Variants in SMYD3 observed in about 807,000 individuals in gnomAD.
SMYD3 encodes histone-lysine N-methyltransferase SMYD3.
A neutral mutation model predicts 57.7 loss-of-function variants in SMYD3; 36 were observed. The observed-to-expected ratio is 0.62, with a 90% CI of 0.48 to 0.82. The LOEUF (loss-of-function observed/expected upper bound fraction) is 0.82. SMYD3 is among the 40% of genes least tolerant of loss of function. The pLI, the probability that SMYD3 is intolerant of heterozygous loss-of-function variation, is 0.00. For missense variants in SMYD3, 515 were observed against 538.8 expected (o/e 0.96, Z 0.44); for synonymous variants, 211 against 195.0 (o/e 1.08, Z -0.68).
intron 1 of SMYD3, among the ~76,000 whole-genome samples, chr1:246,398,316 C>G (rs902380292): frequency 4.6e-5 from 7 of 152,208 alleles, no homozygotes; most frequent in Non-Finnish European, 1.0e-4. Context: ...CAAGGTTAAA[C>G]GACACACTCA....
At chr1:245,857,501 C>T (rs1163947367) in intron 10 of SMYD3, among the ~76,000 whole-genome samples, 37 of 41,744 alleles carry the variant, frequency 8.9e-4, no homozygotes, top group Middle Eastern at 0.036. Flanking sequence ...CCATTCCCTG[C>T]CTGTTGTCCT....
chr1:246,430,752 T>C (rs1370944446), intron 1 of SMYD3, among the ~76,000 whole-genome samples: 1 of 152,158 alleles, frequency 6.6e-6, no homozygotes, highest in Non-Finnish European at 1.5e-5. Flanking sequence ...AGTTATGAAA[T>C]AAATGACATT....
intron 1 of SMYD3, among the ~76,000 whole-genome samples, chr1:246,444,603 C>T (rs1175402726): frequency 3.9e-5 from 6 of 152,240 alleles, no homozygotes; most frequent in Non-Finnish European, 8.8e-5. Flanking sequence ...CACTCTGCCA[C>T]AGGTGCTCTC....
intron 5 of SMYD3, among the ~76,000 whole-genome samples, chr1:246,232,742 C>T (rs2063434566): frequency 7.5e-6 from 1 of 133,870 alleles, no homozygotes; most frequent in African/African-American, 2.7e-5. Context: ...GAACATATTC[C>T]ACACAGAGGA....
chr1:246,154,805 G>A (rs2061997985), intron 5 of SMYD3, among the ~76,000 whole-genome samples: 1 of 144,682 alleles, frequency 6.9e-6, no homozygotes, highest in Non-Finnish European at 1.5e-5. Context: ...TTTTTGAGAT[G>A]GAGTCTCACT....
At chr1:245,927,781 G>T (rs2056473273) in intron 7 of SMYD3, 150 bp downstream of exon 7, 1 of 614,656 alleles carries the variant, frequency 1.6e-6, no homozygotes, top group Non-Finnish European at 3.0e-6. Context: ...ATAGGTTGCT[G>T]GGGAGAGGTG....
intron 5 of SMYD3, among the ~76,000 whole-genome samples, chr1:246,138,410 T>A (rs1408280820): frequency 2.6e-5 from 4 of 151,850 alleles, no homozygotes; most frequent in African/African-American, 9.7e-5. Context: ...TATAAACTAT[T>A]TTAAAAATTT....
At chr1:246,197,016 A>C (rs1035603190) in intron 5 of SMYD3, among the ~76,000 whole-genome samples, 1 of 152,190 alleles carries the variant, frequency 6.6e-6, no homozygotes, top group African/African-American at 2.4e-5. Flanking sequence ...CAACTCTGCA[A>C]TGATGAGGAT....
At chr1:246,217,153 G>T (rs1273682233) in intron 5 of SMYD3, among the ~76,000 whole-genome samples, 1 of 152,128 alleles carries the variant, frequency 6.6e-6, no homozygotes, top group African/African-American at 2.4e-5. Context: ...CTTTGTGGGA[G>T]AAGAAACCTC....
At chr1:246,380,133 A>C (rs2066364197) in intron 1 of SMYD3, among the ~76,000 whole-genome samples, 1 of 152,218 alleles carries the variant, frequency 6.6e-6, no homozygotes, top group Non-Finnish European at 1.5e-5. Context: ...ATAATACAGT[A>C]CATTAAATAC....
chr1:246,506,145 T>C (rs1406291325), intron 1 of SMYD3, among the ~76,000 whole-genome samples: 1 of 152,226 alleles, frequency 6.6e-6, no homozygotes, highest in East Asian at 1.9e-4. Context: ...AAAGCGGCCA[T>C]GCACAAAATC....
chr1:245,857,850 C>T (rs1397156060), intron 10 of SMYD3, among the ~76,000 whole-genome samples: 1 of 152,122 alleles, frequency 6.6e-6, no homozygotes, highest in African/African-American at 2.4e-5. Context: ...CCCTTCAATG[C>T]TTTTCTGAGT....
At chr1:246,163,680 G>A (rs2062158430) in intron 5 of SMYD3, among the ~76,000 whole-genome samples, 2 of 152,140 alleles carry the variant, frequency 1.3e-5, no homozygotes, top group African/African-American at 4.8e-5. Context: ...GAGCATGTAA[G>A]CATCTTGAGA....
rs113700404 is a variant in SMYD3, at chr1:246,492,111, G to A, written c.164+14943C>T. Among the ~76,000 whole-genome samples the A allele has an allele frequency of 5.9e-3, 893 of 152,284 alleles. 9 individuals carry two copies. Among genetic ancestry groups the A allele is most frequent in the African/African-American group, 0.02 (840 of 41,544 alleles). On this transcript the variant is annotated intron_variant, in intron 1 of 11. Coordinates refer to ENST00000490107, the MANE Select transcript of SMYD3 (RefSeq NM_001167740.2). Reference sequence around the variant, plus strand: ...AAGTTGAGACTCATACATCGCTTGAGTGGATAGCATCCAACTGAAATATTA... The same window carrying A: ...AAGTTGAGACTCATACATCGCTTGAATGGATAGCATCCAACTGAAATATTA...
intron 5 of SMYD3, among the ~76,000 whole-genome samples, chr1:246,008,411 G>T (rs1207155527): frequency 2.0e-5 from 3 of 152,186 alleles, no homozygotes; most frequent in African/African-American, 7.2e-5. Flanking sequence ...ACTCCTCTCA[G>T]CCGAGGACTG....
chr1:246,071,996 T>C (rs867733084), intron 5 of SMYD3, among the ~76,000 whole-genome samples: 877 of 69,712 alleles, frequency 0.013, 5 homozygotes, highest in African/African-American at 0.08. Flanking sequence ...CTGTGCTCAC[T>C]GTGGATGCAT....
intron 5 of SMYD3, among the ~76,000 whole-genome samples, chr1:246,114,402 C>A (rs867136612): frequency 1.3e-5 from 2 of 152,186 alleles, no homozygotes; most frequent in African/African-American, 4.8e-5. Flanking sequence ...GGCCAGCCCC[C>A]GATGGGGGAG....
At chr1:246,302,681 T>C (rs2064911905) in intron 5 of SMYD3, among the ~76,000 whole-genome samples, 1 of 152,112 alleles carries the variant, frequency 6.6e-6, no homozygotes, top group Non-Finnish European at 1.5e-5. Context: ...GGGTGGCTGC[T>C]ACCCAGCTCA....
At chr1:245,988,379 T>C (rs1250211464) in intron 5 of SMYD3, 2 of 152,228 alleles carry the variant, frequency 1.3e-5, no homozygotes, top group East Asian at 1.9e-4. Context: ...CTGGAAATTA[T>C]TGGAGAACAC....
Sources: allele counts gnomAD v4.1 joint callset (sites outside exome capture counted in the v4.1 genomes callset), GRCh38; gene constraint gnomAD v4.1.1; transcripts MANE v1.5; gene names NCBI Gene and HGNC (gene_info 2026-07-23, HGNC 2026-07-21).